HNRNPD: variants seen among roughly 807,000 people sequenced by gnomAD.
HNRNPD encodes the protein heterogeneous nuclear ribonucleoprotein D0.
A neutral mutation model predicts 47.9 loss-of-function variants in HNRNPD; 3 were observed. The ratio of observed to expected loss-of-function variants is 0.06; its 90% CI spans 0.03 to 0.16. HNRNPD has a LOEUF of 0.16. HNRNPD is among the 10% of genes least tolerant of loss of function. The pLI, the probability that HNRNPD is intolerant of heterozygous loss-of-function variation, is 1.00. For missense variants in HNRNPD, 287 were observed against 454.2 expected, an observed-to-expected ratio of 0.63 and a Z score of 3.35; for synonymous variants, 171 against 165.1, an observed-to-expected ratio of 1.04 and a Z score of -0.28.
chr4:82,355,526 C>A (rs1723678496), intron 7 of HNRNPD, 125 bp from the exon 8 acceptor site: 2 of 678,196 alleles, frequency 2.9e-6, no homozygotes, highest in African/African-American at 1.8e-5. Context: ...GAAAAATTCA[C>A]CCTGAGCAAT....
At chr4:82,357,170 C>G in intron 5 of HNRNPD, 143 bp downstream of exon 5, 1 of 881,490 alleles carries the variant, frequency 1.1e-6, no homozygotes, top group Non-Finnish European at 1.7e-6. Context: ...ATCCTGCTCC[C>G]CACAAAAAGT....
chr4:82,356,016 A>G (rs896831508), intron 7 of HNRNPD: 1 of 153,184 alleles, frequency 6.5e-6, no homozygotes, highest in Non-Finnish European at 1.5e-5. Context: ...AGTTGCTACA[A>G]ATCAGGTGGA....
In HNRNPD at chr4:82,353,002, A is replaced by G. The variant is rs1035609779; in HGVS notation, c.*1183T>C. On this transcript the variant is annotated 3_prime_UTR_variant, in exon 9 of 9. Transcript: ENST00000313899. ...CTGAAGTAACTGACTGCACAGCCTT[A>G]GATTACCACTCAGGGTGGAACTCTT... 4 of 152,308 alleles carry G rather than the reference A, an allele frequency of 2.6e-5. No homozygotes were observed. The highest frequency in any genetic ancestry group is 3.4e-3 in the Middle Eastern group (1 of 294). 9.4% of individuals were successfully genotyped at this position (152,308 alleles called of 1,614,324 possible). A position where few individuals can be genotyped will look rare whatever the true frequency, so the allele number is the denominator to read the frequency against.
At chr4:82,369,669 G>A (rs563447015) in intron 2 of HNRNPD, among the ~76,000 whole-genome samples, 5 of 149,660 alleles carry the variant, frequency 3.3e-5, no homozygotes, top group East Asian at 4.0e-4. Flanking sequence ...GGACAGATAC[G>A]GTGGGGAGTG....
intron 2 of HNRNPD, among the ~76,000 whole-genome samples, chr4:82,365,800 A>C (rs1356963068): frequency 1.7e-5 from 2 of 115,376 alleles, no homozygotes; most frequent in Non-Finnish European, 3.3e-5. Flanking sequence ...TTTTTTGTAG[A>C]GACAGGATCT....
intron 2 of HNRNPD, among the ~76,000 whole-genome samples, chr4:82,361,697 ATAAAT>A (rs1432929737): frequency 1.3e-5 from 2 of 152,254 alleles, no homozygotes; most frequent in Non-Finnish European, 1.5e-5. Context: ...TTACAAAGAA[ATAAAT>A]TAAAACACCA....
chr4:82,366,578 T>C (rs1719769256), intron 2 of HNRNPD, among the ~76,000 whole-genome samples: 1 of 151,942 alleles, frequency 6.6e-6, no homozygotes, highest in Non-Finnish European at 1.5e-5. Flanking sequence ...TTTTTTTTTC[T>C]TTTTTTGAGA....
intron 2 of HNRNPD, among the ~76,000 whole-genome samples, chr4:82,371,149 T>C (rs1490688238): frequency 6.6e-6 from 1 of 152,238 alleles, no homozygotes; most frequent in Non-Finnish European, 1.5e-5. Flanking sequence ...CAATATTTTA[T>C]ATCAAGGAGT....
chr4:82,372,736 C>T (rs1163848589), intron 1 of HNRNPD, among the ~76,000 whole-genome samples: 2 of 152,114 alleles, frequency 1.3e-5, no homozygotes, highest in Non-Finnish European at 2.9e-5. Context: ...CCAGAGCCCG[C>T]GGAGCAAAAC....
intron 5 of HNRNPD, among the ~76,000 whole-genome samples, 163 bp downstream of exon 5, chr4:82,357,149 CA>C (rs1723747183): frequency 6.6e-6 from 1 of 152,180 alleles, no homozygotes; most frequent in South Asian, 2.1e-4. Context: ...AAAACACTAA[CA>C]AATGTGTCCA....
At chr4:82,363,445 G>A (rs1267266102) in intron 2 of HNRNPD, among the ~76,000 whole-genome samples, 1 of 152,132 alleles carries the variant, frequency 6.6e-6, no homozygotes, top group Admixed American at 6.5e-5. Context: ...TACCTCTGCT[G>A]CCTTGAATAC....
chr4:82,358,586 T>A, intron 4 of HNRNPD, 73 bp downstream of exon 4: 2 of 1,374,706 alleles, frequency 1.5e-6, no homozygotes, highest in Non-Finnish European at 2.0e-6. Context: ...GCCAAGTGAC[T>A]CTGAGTCCAT....
In HNRNPD at chr4:82,352,564, T is replaced by TAG. The variant is rs1337740157; in HGVS notation, c.*1619_*1620dup. The TAG allele has an allele frequency of 6.6e-6, 1 of 152,138 alleles. No homozygotes were observed. The highest frequency in any genetic ancestry group is 2.4e-5 in the African/African-American group (1 of 41,428). The allele number at this position is 152,138 out of a possible 1,614,324, so 9.4% of individuals were successfully genotyped here. A position where few individuals can be genotyped will look rare whatever the true frequency, so the allele number is the denominator to read the frequency against. On this transcript the variant is annotated 3_prime_UTR_variant, in exon 9 of 9. Coordinates refer to ENST00000313899, the MANE Select transcript of HNRNPD (RefSeq NM_031370.3). ...AAGCATATGATACCAAAAAGAACCC[T>TAG]AGCTTAACAACCCTAACACAAAAAA... is the stretch of plus-strand genomic sequence containing the variant.
intron 2 of HNRNPD, 40 bp from the exon 3 acceptor site, chr4:82,359,679 A>G (rs760197611): frequency 1.4e-6 from 2 of 1,391,342 alleles, no homozygotes; most frequent in Non-Finnish European, 2.0e-6. Context: ...CTTAAAAAAA[A>G]TTGCCTTAAA....
At chr4:82,373,355 C>T in intron 1 of HNRNPD, 91 bp downstream of exon 1, 2 of 1,452,920 alleles carry the variant, frequency 1.4e-6, no homozygotes, top group Non-Finnish European at 1.8e-6. Flanking sequence ...GGAGAACGGG[C>T]TGAGAGCGGG....
At chr4:82,354,706 A>G (rs1283772218) in intron 8 of HNRNPD, 2 of 152,690 alleles carry the variant, frequency 1.3e-5, no homozygotes, top group Non-Finnish European at 2.9e-5. Flanking sequence ...GACAAGCTGT[A>G]TCCTTAGAAG....
intron 2 of HNRNPD, among the ~76,000 whole-genome samples, chr4:82,366,986 A>T (rs1386552050): frequency 1.3e-5 from 2 of 149,580 alleles, no homozygotes; most frequent in Non-Finnish European, 3.0e-5. Flanking sequence ...TCCTGAGTAG[A>T]TGTAACTACA....
chr4:82,368,738 T>G (rs971640621), intron 2 of HNRNPD, among the ~76,000 whole-genome samples: 3 of 152,234 alleles, frequency 2.0e-5, no homozygotes, highest in African/African-American at 7.2e-5. Context: ...AAATTTGGCA[T>G]GAGACTACTC....
intron 1 of HNRNPD, chr4:82,373,134 A>T (rs1720158666): frequency 1.7e-6 from 1 of 592,050 alleles, no homozygotes; most frequent in East Asian, 3.8e-5. Context: ...GACAGGCGGG[A>T]AAAAATCCTG....
Sources: gnomAD v4.1 joint callset for allele counts (sites outside exome capture counted in the v4.1 genomes callset) on GRCh38, gnomAD v4.1.1 for gene constraint, MANE v1.5 for transcripts, NCBI Gene and HGNC (gene_info 2026-07-23, HGNC 2026-07-21) for gene names.